CRACD: variants seen among roughly 807,000 people sequenced by gnomAD.
CRACD encodes capping protein-inhibiting regulator of actin dynamics.
Under a neutral mutation model 106.8 loss-of-function variants are expected in CRACD, and 56 were observed. The observed-to-expected ratio is 0.52, with a 90% CI of 0.42 to 0.66. CRACD has a LOEUF of 0.66. Ranked by LOEUF, CRACD falls within the 30% of genes least tolerant of loss-of-function variation. The probability of loss-of-function intolerance (pLI) is 0.00; values close to 1 mark genes in which losing one functional copy is unlikely to be tolerated. For synonymous variants in CRACD, 754 were observed against 670.8 expected (o/e 1.12, Z -1.92); for missense variants, 1,730 against 1,623.2 (o/e 1.07, Z -1.13).
chr4:56,113,865 T>C (rs1734197751), intron 1 of CRACD, among the ~76,000 whole-genome samples: 1 of 152,170 alleles, frequency 6.6e-6, no homozygotes, highest in African/African-American at 2.4e-5. Context: ...TAGAAGCATT[T>C]TTTTAAACTG....
rs551536623 is a variant in CRACD at position 56,180,411 on chromosome 4, CCCGGGAGGGAG to C, written c.-189+982_-189+992del. ...GGCTGAGGCAGGAGAATCGCCTGAA[CCCGGGAGGGAG>C]AGGTTGCAGTGAGCCGAGATCTCAC... On this transcript the variant is annotated intron_variant, in intron 2 of 10. Transcript: ENST00000682029. 5.2e-3 allele frequency among the ~76,000 whole-genome samples: 797 copies of C among 152,042 alleles called. 8 individuals are homozygous for C. Among genetic ancestry groups the C allele is most frequent in the African/African-American group, 0.018 (756 of 41,460 alleles).
Position 56,057,799 on chromosome 4 carries a change from ATT to A in CRACD, c.-336+8513_-336+8514del, listed in dbSNP as rs754198915. ...CCACCACACCTGGCTCATTTTTTGT[ATT>A]TTTTTTTTTTTTGTTTTTTTTTTTT... On this transcript the variant is annotated intron_variant, in intron 1 of 10. Transcript: ENST00000682029. 9.9e-3 allele frequency among the ~76,000 whole-genome samples: 432 copies of A among 43,458 alleles called. 86 individuals are homozygous for A. The highest frequency in any genetic ancestry group is 0.046 in the African/African-American group (401 of 8,788). The allele number at this position is 43,458 out of a possible 152,430, so 28.5% of individuals were successfully genotyped here.
At chr4:56,299,907 T>A (rs1469817245) in intron 4 of CRACD, among the ~76,000 whole-genome samples, 1 of 151,142 alleles carries the variant, frequency 6.6e-6, no homozygotes, top group Admixed American at 6.6e-5. Context: ...GCTGAAGCAC[T>A]GTACTCAGTA....
chr4:56,071,494 T>TTCC (rs1560442107), intron 1 of CRACD, among the ~76,000 whole-genome samples: 8 of 150,406 alleles, frequency 5.3e-5, no homozygotes, highest in Non-Finnish European at 1.2e-4. Context: ...ACAGGTTGTA[T>TTCC]TTCTTTCTTT....
intron 3 of CRACD, among the ~76,000 whole-genome samples, chr4:56,286,406 A>C (rs1171814722): frequency 1.4e-5 from 2 of 147,398 alleles, no homozygotes; most frequent in African/African-American, 5.0e-5. Context: ...AAAAAAAAAA[A>C]CACAAAAAAC....
intron 1 of CRACD, among the ~76,000 whole-genome samples, chr4:56,102,841 G>A (rs1733823054): frequency 6.6e-6 from 1 of 152,168 alleles, no homozygotes; most frequent in Admixed American, 6.5e-5. Context: ...AACAGGCACT[G>A]ACGTTCTCTC....
intron 2 of CRACD, among the ~76,000 whole-genome samples, chr4:56,271,284 G>A (rs970142434): frequency 3.9e-5 from 6 of 152,058 alleles, no homozygotes; most frequent in African/African-American, 1.2e-4. Flanking sequence ...ATCCAAAGGC[G>A]GAGGACTGAA....
intron 10 of CRACD, among the ~76,000 whole-genome samples, chr4:56,325,795 C>G (rs1368308575): frequency 6.6e-6 from 1 of 152,140 alleles, no homozygotes. Flanking sequence ...ATCTCTAGAC[C>G]CAGGCTTTTC....
At chr4:56,307,249 G>A (rs1744787082) in intron 4 of CRACD, among the ~76,000 whole-genome samples, 1 of 152,048 alleles carries the variant, frequency 6.6e-6, no homozygotes, top group African/African-American at 2.4e-5. Flanking sequence ...AGAAAATGTG[G>A]CCACCATGCC....
chr4:56,051,534 G>A (rs1052494494), intron 1 of CRACD, among the ~76,000 whole-genome samples: 100 of 152,218 alleles, frequency 6.6e-4, no homozygotes, highest in African/African-American at 8.4e-4. Flanking sequence ...TATCATTCCC[G>A]TTTTGTAGGT....
rs371643314 is a variant in CRACD, at chr4:56,302,108, C to G, written c.120+3759C>G. On this transcript the variant is annotated intron_variant, in intron 4 of 10. Coordinates refer to ENST00000682029, the MANE Select transcript of CRACD (RefSeq NM_001393381.1). ...TCGTTCAACCTCTCTGGCACTTTCT[C>G]CTCCTGAAAACTAAGGGGCATGCAC... Among the ~76,000 whole-genome samples the G allele has an allele frequency of 1.2e-3, 183 of 152,278 alleles. 6 individuals are homozygous for G. The South Asian group carries it at 0.03, about 25-fold the overall frequency.
chr4:56,099,146 G>A (rs1733699312), intron 1 of CRACD, among the ~76,000 whole-genome samples: 1 of 152,114 alleles, frequency 6.6e-6, no homozygotes, highest in Non-Finnish European at 1.5e-5. Flanking sequence ...AATAATCAAA[G>A]TTTATTTTGA....
intron 2 of CRACD, among the ~76,000 whole-genome samples, chr4:56,232,153 T>C (rs1047343675): frequency 6.6e-6 from 1 of 152,328 alleles, no homozygotes; most frequent in East Asian, 1.9e-4. Context: ...AGGCAACCAC[T>C]AATCTGCTTC....
At chr4:56,182,660 GA>G (rs1329358591) in intron 2 of CRACD, among the ~76,000 whole-genome samples, 1 of 152,144 alleles carries the variant, frequency 6.6e-6, no homozygotes, top group East Asian at 1.9e-4. Context: ...TTAACTCCAA[GA>G]GAGCTCACAA....
chr4:56,193,811 GT>G (rs574738014), intron 2 of CRACD, among the ~76,000 whole-genome samples: 9 of 148,268 alleles, frequency 6.1e-5, no homozygotes, highest in Admixed American at 2.0e-4. Flanking sequence ...AAAAGTTTCT[GT>G]TTTTTTTTTA....
chr4:56,311,789 C>T (rs570655450), intron 6 of CRACD, among the ~76,000 whole-genome samples: 13 of 152,314 alleles, frequency 8.5e-5, no homozygotes, highest in African/African-American at 3.1e-4. Flanking sequence ...AAACCCTGGC[C>T]ACATCGGAGC....
At chr4:56,102,570 T>A (rs2109832583) in intron 1 of CRACD, among the ~76,000 whole-genome samples, 2 of 152,312 alleles carry the variant, frequency 1.3e-5, no homozygotes, top group African/African-American at 4.8e-5. Flanking sequence ...AAGGATAGGG[T>A]CCAGGCCTAG....
At chr4:56,114,465 C>G (rs1734217203) in intron 1 of CRACD, among the ~76,000 whole-genome samples, 1 of 151,826 alleles carries the variant, frequency 6.6e-6, no homozygotes, top group South Asian at 2.1e-4. Context: ...GTGAGGGAGT[C>G]GGGGAAGATA....
intron 2 of CRACD, among the ~76,000 whole-genome samples, chr4:56,232,452 G>A (rs1428808203): frequency 6.6e-6 from 1 of 152,116 alleles, no homozygotes; most frequent in African/African-American, 2.4e-5. Context: ...TATTCTAGAT[G>A]TCTTTCATTT....
Sources: gnomAD v4.1 joint callset for allele counts (sites outside exome capture counted in the v4.1 genomes callset) on GRCh38, gnomAD v4.1.1 for gene constraint, MANE v1.5 for transcripts, NCBI Gene and HGNC (gene_info 2026-07-23, HGNC 2026-07-21) for gene names.